INTS7: variants seen among roughly 807,000 people sequenced by gnomAD.
The protein encoded by INTS7 is integrator complex subunit 7, also known as chromosome 1 open reading frame 73.
INTS7 carries 46 observed loss-of-function variants against 109.2 expected under a neutral mutation model. The ratio of observed to expected loss-of-function variants is 0.42; its 90% CI spans 0.33 to 0.54. The LOEUF (loss-of-function observed/expected upper bound fraction) is 0.54, where lower values mean the gene tolerates loss of function less well. Ranked by LOEUF, INTS7 falls within the 20% of genes least tolerant of loss-of-function variation. INTS7 has a pLI of 0.07. For missense variants in INTS7, 929 were observed against 1,132.4 expected (o/e 0.82, Z 2.58); for synonymous variants, 412 against 402.9 (o/e 1.02, Z -0.27).
At chr1:211,963,356 C>T (rs1001442896) in intron 16 of INTS7, among the ~76,000 whole-genome samples, 8 of 151,478 alleles carry the variant, frequency 5.3e-5, no homozygotes, top group Non-Finnish European at 1.0e-4. Flanking sequence ...AACAGCCTAC[C>T]AACCAAAAAA....
At chr1:211,949,106 C>G (rs1375606484) in intron 17 of INTS7, among the ~76,000 whole-genome samples, 1 of 152,196 alleles carries the variant, frequency 6.6e-6, no homozygotes, top group African/African-American at 2.4e-5. Context: ...GAAATTCCAC[C>G]TAATAGTCCA....
At chr1:211,947,154 G>C (rs1185389708) in intron 17 of INTS7, among the ~76,000 whole-genome samples, 3 of 152,174 alleles carry the variant, frequency 2.0e-5, no homozygotes, top group Non-Finnish European at 4.4e-5. Context: ...TGTCTCTATG[G>C]CCATTGGTCC....
At chr1:211,958,531 C>T (rs1448452099) in intron 16 of INTS7, among the ~76,000 whole-genome samples, 1 of 152,096 alleles carries the variant, frequency 6.6e-6, no homozygotes, top group Non-Finnish European at 1.5e-5. Flanking sequence ...GCTAGAGGTT[C>T]ATTAAGCTTC....
rs1023637186 is a variant in INTS7 at position 211,946,588 on chromosome 1, A to C, written c.2415+19T>G. The C allele has an allele frequency of 2.8e-6, 4 of 1,408,896 alleles. No individual in the cohort carries two copies. The Middle Eastern group carries it at 5.3e-4, about 185-fold the overall frequency. 87.3% of individuals were successfully genotyped at this position (1,408,896 alleles called of 1,614,324 possible). On this transcript the variant is annotated intron_variant, in intron 18 of 19. Coordinates refer to ENST00000366994, the MANE Select transcript of INTS7 (RefSeq NM_015434.4). The surrounding 1 kb of genome is among the most constrained non-coding windows in gnomAD (Gnocchi z 4.3). Reference sequence around the variant, plus strand: ...TGGTTTTAAAACCTATATTAACCTTAGTATTCTTCCTGTATTACCTTGATG... The same window carrying C: ...TGGTTTTAAAACCTATATTAACCTTCGTATTCTTCCTGTATTACCTTGATG...
intron 5 of INTS7, among the ~76,000 whole-genome samples, chr1:212,008,184 G>A (rs910471742): frequency 2.0e-5 from 3 of 152,256 alleles, no homozygotes; most frequent in South Asian, 2.1e-4. Flanking sequence ...AGTTGCCTAC[G>A]TCAATAAACT....
chr1:211,983,013 G>A (rs985858369), intron 8 of INTS7, among the ~76,000 whole-genome samples: 3 of 151,998 alleles, frequency 2.0e-5, no homozygotes, highest in Admixed American at 6.6e-5. Context: ...CAACAGTTTC[G>A]TAATGACTAA....
At chr1:212,004,703 T>G (rs1665825535) in intron 7 of INTS7, among the ~76,000 whole-genome samples, 1 of 152,108 alleles carries the variant, frequency 6.6e-6, no homozygotes, top group Non-Finnish European at 1.5e-5. Flanking sequence ...GTATGAGTAT[T>G]CCAAATATAT....
rs767958297 is a variant in INTS7, at chr1:211,987,958, G to A, written c.925C>T (p.Leu309=). The A allele has an allele frequency of 6.2e-7, 1 of 1,612,596 alleles. No homozygotes were observed. The highest frequency in any genetic ancestry group is 8.5e-7 in the Non-Finnish European group (1 of 1,178,776). ...GTGGAAAGGACAGACAACATCCCTA[G>A]TTTTAAGCTGTCATAAGGAGTCTGG... is the stretch of plus-strand genomic sequence containing the variant. ...ALQTPYDSLK[L]GMLSVLSTLS... The change falls in exon 8 of 20, where the codon CTA becomes TTA. Residue 309 remains leucine (L), a synonymous_variant. Coordinates refer to ENST00000366994, the MANE Select transcript of INTS7 (RefSeq NM_015434.4).
At chr1:212,010,149 C>T (rs932981188) in intron 5 of INTS7, among the ~76,000 whole-genome samples, 7 of 152,170 alleles carry the variant, frequency 4.6e-5, no homozygotes, top group Non-Finnish European at 1.0e-4. Flanking sequence ...GTAAAACGAA[C>T]ATAATGGTAT....
At chr1:211,967,105 C>T (rs1165240794) in intron 15 of INTS7, among the ~76,000 whole-genome samples, 1 of 152,122 alleles carries the variant, frequency 6.6e-6, no homozygotes, top group Non-Finnish European at 1.5e-5. Context: ...ATTTCTATTC[C>T]TTCCTTTCAA....
intron 1 of INTS7, among the ~76,000 whole-genome samples, chr1:212,024,955 G>A (rs370243139): frequency 2.0e-5 from 3 of 152,180 alleles, no homozygotes; most frequent in African/African-American, 7.2e-5. Flanking sequence ...ATTCACAGAG[G>A]CCTGTTTCCA....
chr1:212,033,070 G>A (rs1434156669), intron 1 of INTS7, among the ~76,000 whole-genome samples: 1 of 152,170 alleles, frequency 6.6e-6, no homozygotes, highest in Non-Finnish European at 1.5e-5. Flanking sequence ...ATAGGGGCAG[G>A]AGTTTTGTCT....
At chr1:211,977,114 GC>G (rs1241634153) in intron 11 of INTS7, among the ~76,000 whole-genome samples, 1 of 152,080 alleles carries the variant, frequency 6.6e-6, no homozygotes, top group Non-Finnish European at 1.5e-5. Context: ...GCAAAATACT[GC>G]ATATTACTTA....
chr1:211,991,845 C>T lies in INTS7; in HGVS notation c.880-3842G>A, dbSNP rs757964025. On this transcript the variant is annotated intron_variant, in intron 7 of 19. Transcript: ENST00000366994. Reference sequence around the variant, plus strand: ...GGCAGTGAAGAATACAGAGAAGGTGCAGGTTAGGTAGTGTTATGAATGAGT... The same window carrying T: ...GGCAGTGAAGAATACAGAGAAGGTGTAGGTTAGGTAGTGTTATGAATGAGT... Among the ~76,000 whole-genome samples, 273 of 152,276 alleles carry T rather than the reference C, an allele frequency of 1.8e-3. 4 individuals are homozygous for T. Among genetic ancestry groups the T allele is most frequent in the Non-Finnish European group, 1.9e-3 (132 of 67,998 alleles).
chr1:211,973,175 G>A (rs1038645674), intron 13 of INTS7, among the ~76,000 whole-genome samples: 8 of 152,040 alleles, frequency 5.3e-5, no homozygotes, highest in African/African-American at 9.7e-5. Flanking sequence ...CAAACTCCTG[G>A]GCTCAAGTGA....
chr1:211,970,008 G>A lies in INTS7; in HGVS notation c.1816-1301C>T, dbSNP rs540130982. Among the ~76,000 whole-genome samples the A allele has an allele frequency of 9.2e-5, 14 of 152,198 alleles. No individual in the cohort carries two copies. In the East Asian group the frequency reaches 2.3e-3, roughly 25 times the overall value. ...GCTGGGATTACAGGTGAGAGCCACC[G>A]CGCCTGGCTGTGCCCAGCTAATTTT... is the stretch of plus-strand genomic sequence containing the variant. On this transcript the variant is annotated intron_variant, in intron 13 of 19. Transcript: ENST00000366994.
At chr1:212,032,348 T>C (rs1465595267) in intron 1 of INTS7, among the ~76,000 whole-genome samples, 1 of 152,210 alleles carries the variant, frequency 6.6e-6, no homozygotes, top group Non-Finnish European at 1.5e-5. Context: ...GCCAGACTGA[T>C]ACTTTTCAAA....
At chr1:211,996,144 G>A (rs552463015) in intron 7 of INTS7, among the ~76,000 whole-genome samples, 30 of 152,260 alleles carry the variant, frequency 2.0e-4, no homozygotes, top group South Asian at 1.5e-3. Flanking sequence ...TCTTCTGGCC[G>A]GATGCGGTGG....
rs991223545 is a variant in INTS7, at chr1:212,026,591, C to T, written c.95-5379G>A. ...CATGTAGCCTTACTTTTCTAAAAGC[C>T]TGATATGAAAAACGGGTCAAGGGAC... On this transcript the variant is annotated intron_variant, in intron 1 of 19. Transcript: ENST00000366994. 5.3e-5 allele frequency among the ~76,000 whole-genome samples: 8 copies of T among 151,868 alleles called. No individual in the cohort carries two copies. The East Asian group carries it at 1.5e-3, about 29-fold the overall frequency.
Sources: allele counts gnomAD v4.1 joint callset (sites outside exome capture counted in the v4.1 genomes callset), GRCh38; gene constraint gnomAD v4.1.1; non-coding constraint Gnocchi (gnomAD v3.1); transcripts MANE v1.5; gene names NCBI Gene and HGNC (gene_info 2026-07-23, HGNC 2026-07-21).